PAAF1: variants seen among roughly 807,000 people sequenced by gnomAD.
PAAF1 encodes proteasomal ATPase associated factor 1.
A neutral mutation model predicts 52.8 loss-of-function variants in PAAF1; 46 were observed. The observed-to-expected ratio is 0.87, with a 90% CI of 0.69 to 1.11. PAAF1 has a LOEUF of 1.11. Among genes scored for constraint, PAAF1 ranks in the 50% most tolerant of loss-of-function variants. The pLI, the probability that PAAF1 is intolerant of heterozygous loss-of-function variation, is 0.00. For synonymous variants in PAAF1, 178 were observed against 172.8 expected, an observed-to-expected ratio of 1.03 and a Z score of -0.24; for missense variants, 424 against 477.4, an observed-to-expected ratio of 0.89 and a Z score of 1.04.
intron 10 of PAAF1, among the ~76,000 whole-genome samples, chr11:73,921,353 G>GT (rs1409108456): frequency 2.7e-5 from 4 of 150,470 alleles, no homozygotes; most frequent in African/African-American, 9.7e-5. Context: ...TATGAGGAGT[G>GT]TAGGTGGAGA....
In PAAF1 at chr11:73,929,236, C is replaced by G. The variant is rs1950423607; in HGVS notation, c.*1874C>G. 1 of 150,424 alleles carries G rather than the reference C, an allele frequency of 6.6e-6. No homozygotes were observed. The highest frequency in any genetic ancestry group is 1.5e-5 in the Non-Finnish European group (1 of 67,646). The allele number at this position is 150,424 out of a possible 1,614,324, so 9.3% of individuals were successfully genotyped here. A position where few individuals can be genotyped will look rare whatever the true frequency, so the allele number is the denominator to read the frequency against. The stretch of plus-strand genomic sequence containing the variant: ...TAATTTTTTAAATTTTTTGTAGAGA[C>G]AGAGTCTCACCATGTTGCCCAGGCT... On this transcript the variant is annotated 3_prime_UTR_variant, in exon 12 of 12. Transcript: ENST00000310571.
chr11:73,881,895 A>G (rs959013377), intron 2 of PAAF1, among the ~76,000 whole-genome samples: 1 of 149,968 alleles, frequency 6.7e-6, no homozygotes, highest in Non-Finnish European at 1.5e-5. Flanking sequence ...TTTTTTTGAG[A>G]TGGAGCTTTG....
Position 73,928,270 on chromosome 11 carries a change from T to C in PAAF1, c.*908T>C, listed in dbSNP as rs1591149163. The C allele has an allele frequency of 6.6e-6, 1 of 152,246 alleles. No individual in the cohort carries two copies. Among genetic ancestry groups the C allele is most frequent in the East Asian group, 1.9e-4 (1 of 5,200 alleles). The allele number at this position is 152,246 out of a possible 1,614,324, so 9.4% of individuals were successfully genotyped here. ...TGGTGGAGGGCACTTTAGTCACAGC[T>C]GGAACCCAGGGCTCAAAATGACAAG... On this transcript the variant is annotated 3_prime_UTR_variant, in exon 12 of 12. Transcript: ENST00000310571.
chr11:73,918,364 T>C (rs866890828), intron 9 of PAAF1, among the ~76,000 whole-genome samples: 6,338 of 138,542 alleles, frequency 0.046, 151 homozygotes, highest in Middle Eastern at 0.076. Context: ...TTTTTTTTTT[T>C]TTTTTTTTTT....
At chr11:73,921,541 A>G (rs191167000) in intron 10 of PAAF1, 12 of 536,000 alleles carry the variant, frequency 2.2e-5, no homozygotes, top group Non-Finnish European at 4.0e-5. Flanking sequence ...TTTCAAGTAA[A>G]GACATGGTCT....
intron 4 of PAAF1, among the ~76,000 whole-genome samples, chr11:73,898,229 AG>A (rs1949483930): frequency 3.7e-5 from 5 of 135,340 alleles, no homozygotes; most frequent in Non-Finnish European, 8.0e-5. Flanking sequence ...AGGGAGAGGG[AG>A]AGGGAGAGGG....
At chr11:73,894,023 A>C (rs12363553) in intron 4 of PAAF1, among the ~76,000 whole-genome samples, 4 of 152,072 alleles carry the variant, frequency 2.6e-5, no homozygotes, top group Admixed American at 2.6e-4. Context: ...GGCTGGTCTC[A>C]AACTCCTGAC....
chr11:73,908,373 G>GTA lies in PAAF1; in HGVS notation c.533-1018_533-1017dup, dbSNP rs761845668. Among the ~76,000 whole-genome samples, 1,345 of 134,946 alleles carry GTA rather than the reference G, an allele frequency of 1.0e-2. 20 individuals carry two copies. Among genetic ancestry groups the GTA allele is most frequent in the Middle Eastern group, 0.038 (10 of 266 alleles). 88.5% of individuals were successfully genotyped at this position (134,946 alleles called of 152,430 possible). A position where few individuals can be genotyped will look rare whatever the true frequency, so the allele number is the denominator to read the frequency against. ...TGTATATATGTGTGTATATATATATGTATATATATGTGTGTATATATATAT... is the reference window on the plus strand; with the variant it reads ...TGTATATATGTGTGTATATATATATGTATATATATATGTGTGTATATATATAT... On this transcript the variant is annotated intron_variant, in intron 6 of 11. Transcript: ENST00000310571.
Position 73,883,072 on chromosome 11 carries a change from T to A in PAAF1, c.88+4253T>A, listed in dbSNP as rs956026382. The stretch of plus-strand genomic sequence containing the variant: ...GCACTACCATACCTGGCTAATTTTT[T>A]AAATTTTTTGTAGAGACAAGGTCTC... On this transcript the variant is annotated intron_variant, in intron 2 of 11. Coordinates refer to ENST00000310571, the MANE Select transcript of PAAF1 (RefSeq NM_025155.3). 5.9e-5 allele frequency among the ~76,000 whole-genome samples: 9 copies of A among 152,204 alleles called. No individual in the cohort carries two copies. The South Asian group carries it at 6.2e-4, about 11-fold the overall frequency.
chr11:73,900,433 C>G lies in PAAF1; in HGVS notation c.532+13C>G, dbSNP rs2067913. 293,225 of 1,557,566 alleles carry G rather than the reference C, an allele frequency of 0.19. 34,012 individuals carry two copies. The highest frequency in any genetic ancestry group is 0.55 in the African/African-American group (40,317 of 73,430). ...GGTCACAAAGGAGGTATGAAGTGTG[C>G]TTTCTCCAAAAGGCTTCTCTAATGA... On this transcript the variant is annotated intron_variant, in intron 6 of 11. Transcript: ENST00000310571.
At chr11:73,878,947 T>G in intron 2 of PAAF1, 128 bp downstream of exon 2, 1 of 731,344 alleles carries the variant, frequency 1.4e-6, no homozygotes, top group Non-Finnish European at 2.2e-6. Context: ...TTGACCAGTC[T>G]GTACTGTATG....
intron 6 of PAAF1, among the ~76,000 whole-genome samples, chr11:73,905,373 G>A (rs952701936): frequency 3.3e-5 from 5 of 151,932 alleles, no homozygotes; most frequent in African/African-American, 7.3e-5. Context: ...ACAGGTACAC[G>A]CCACCATGCC....
At chr11:73,896,980 T>TG (rs1949397371) in intron 4 of PAAF1, among the ~76,000 whole-genome samples, 2 of 126,468 alleles carry the variant, frequency 1.6e-5, no homozygotes, top group Admixed American at 8.0e-5. Context: ...GCGGGGGGGC[T>TG]GACCCCCCCA....
In PAAF1 at chr11:73,927,606, G is replaced by C. The variant is rs1205009276; in HGVS notation, c.*244G>C. On this transcript the variant is annotated 3_prime_UTR_variant, in exon 12 of 12. Transcript: ENST00000310571. ...CTTCTCCTTGTATAAACTCACCCCA[G>C]CAACACAGGGCAAGGATATAGATGC... The C allele has an allele frequency of 7.1e-6, 4 of 564,212 alleles. No homozygotes were observed. Among genetic ancestry groups the C allele is most frequent in the Non-Finnish European group, 1.3e-5 (4 of 316,786 alleles). 35.0% of individuals were successfully genotyped at this position (564,212 alleles called of 1,614,324 possible).
At chr11:73,918,522 G>A (rs1950132434) in intron 9 of PAAF1, among the ~76,000 whole-genome samples, 1 of 148,826 alleles carries the variant, frequency 6.7e-6, no homozygotes. Context: ...TGTAGCCCAG[G>A]TTGGAGTGCA....
intron 10 of PAAF1, among the ~76,000 whole-genome samples, chr11:73,923,511 C>T (rs1950281625): frequency 6.6e-6 from 1 of 151,924 alleles, no homozygotes; most frequent in South Asian, 2.1e-4. Flanking sequence ...GTTCAGTGAG[C>T]ATGTACTACT....
chr11:73,900,489 A>T, intron 6 of PAAF1, 69 bp downstream of exon 6: 1 of 1,478,696 alleles, frequency 6.8e-7, no homozygotes, highest in Non-Finnish European at 9.1e-7. Context: ...AAAAGGTAGA[A>T]ACAAGCTAGT....
At chr11:73,876,915 T>A, upstream of PAAF1, 1 of 1,122,960 alleles carries the variant, frequency 8.9e-7, no homozygotes, top group Non-Finnish European at 1.2e-6. Flanking sequence ...CACGTTTTCA[T>A]TGGTGGCCTC....
chr11:73,920,806 C>G (rs1307968268), intron 10 of PAAF1, among the ~76,000 whole-genome samples: 1 of 147,990 alleles, frequency 6.8e-6, no homozygotes, highest in Non-Finnish European at 1.5e-5. Flanking sequence ...AAGCTGAGAG[C>G]ACGCCACTGC....
Sources: allele counts gnomAD v4.1 joint callset (sites outside exome capture counted in the v4.1 genomes callset), GRCh38; gene constraint gnomAD v4.1.1; transcripts MANE v1.5; gene names NCBI Gene and HGNC (gene_info 2026-07-23, HGNC 2026-07-21).